Variants in STYK1 observed in about 807,000 individuals in gnomAD.
STYK1 encodes the protein tyrosine-protein kinase STYK1.
In STYK1, 46 loss-of-function variants were observed where a neutral mutation model predicts 48.1. That is an observed-to-expected ratio of 0.96 (90% CI 0.75 to 1.22). STYK1 has a LOEUF of 1.22. STYK1 is among the 50% of genes most tolerant of loss of function. The probability of loss-of-function intolerance (pLI) is 0.00; values close to 1 mark genes in which losing one functional copy is unlikely to be tolerated. For synonymous variants in STYK1, 188 were observed against 189.0 expected (o/e 0.99, Z 0.04); for missense variants, 527 against 521.1 (o/e 1.01, Z -0.11).
intron 1 of STYK1, among the ~76,000 whole-genome samples, chr12:10,661,974 G>A (rs10772346): frequency 0.56 from 85,285 of 151,962 alleles, 24,367 homozygotes; most frequent in East Asian, 0.77. Context: ...GAATATTTCC[G>A]TTACCCCAGA....
intron 8 of STYK1, 88 bp from the exon 9 acceptor site, chr12:10,622,766 G>A (rs1865927994): frequency 2.0e-6 from 3 of 1,499,076 alleles, no homozygotes; most frequent in Non-Finnish European, 2.8e-6. Flanking sequence ...TTTAATAAGA[G>A]CCCCATGAAA....
chr12:10,630,566 G>C (rs1398715005), intron 5 of STYK1, among the ~76,000 whole-genome samples: 1 of 150,194 alleles, frequency 6.7e-6, no homozygotes, highest in Non-Finnish European at 1.5e-5. Context: ...AAGAGCTAGG[G>C]AATCTAGGAT....
At chr12:10,665,343 C>A (rs952308273) in intron 1 of STYK1, among the ~76,000 whole-genome samples, 1 of 152,136 alleles carries the variant, frequency 6.6e-6, no homozygotes, top group Non-Finnish European at 1.5e-5. Flanking sequence ...TCACAAATGC[C>A]GTAGAATGCC....
At chr12:10,648,157 C>T (rs963604898) in intron 1 of STYK1, among the ~76,000 whole-genome samples, 4 of 152,212 alleles carry the variant, frequency 2.6e-5, no homozygotes, top group Admixed American at 6.5e-5. Flanking sequence ...ATAGATTATT[C>T]ATCAAATGGA....
intron 1 of STYK1, among the ~76,000 whole-genome samples, chr12:10,653,363 C>A (rs979860045): frequency 6.6e-6 from 1 of 151,954 alleles, no homozygotes; most frequent in Non-Finnish European, 1.5e-5. Context: ...AATTAACATA[C>A]CTTTTCTAGA....
intron 1 of STYK1, among the ~76,000 whole-genome samples, chr12:10,665,144 C>T (rs1349458555): frequency 6.6e-6 from 1 of 152,176 alleles, no homozygotes; most frequent in Non-Finnish European, 1.5e-5. Context: ...AACGCAAACA[C>T]AGCAGGTTCA....
At position 10,631,200 on chromosome 12, in the gene STYK1, G is replaced by GT. The variant is rs1369810295; in HGVS notation, c.295dup (p.Thr99AsnfsTer7). 1 of 1,614,202 alleles carries GT rather than the reference G, an allele frequency of 6.2e-7. No individual in the cohort carries two copies. On this transcript the variant is annotated frameshift_variant, in exon 5 of 11. Coordinates refer to ENST00000075503, the MANE Select transcript of STYK1 (RefSeq NM_018423.3). LOFTEE classifies it high-confidence loss of function. Reference sequence around the variant, plus strand: ...CTGCAGCTTAGCCAGGGCAGGTGTGGTAGCTCCCAGAAAGTTTTCCACGGA... The same window carrying GT: ...CTGCAGCTTAGCCAGGGCAGGTGTGGTTAGCTCCCAGAAAGTTTTCCACGGA...
chr12:10,644,127 A>G (rs1226186592), intron 1 of STYK1, among the ~76,000 whole-genome samples: 2 of 152,242 alleles, frequency 1.3e-5, no homozygotes, highest in East Asian at 3.8e-4. Flanking sequence ...TAATATTTCC[A>G]AAATGGCAAA....
chr12:10,648,608 A>G (rs911450496), intron 1 of STYK1, among the ~76,000 whole-genome samples: 3 of 151,774 alleles, frequency 2.0e-5, no homozygotes, highest in African/African-American at 7.3e-5. Context: ...TTAAGACAAA[A>G]TATTATTTAT....
At chr12:10,664,515 ACTT>A (rs901129201) in intron 1 of STYK1, among the ~76,000 whole-genome samples, 10 of 152,176 alleles carry the variant, frequency 6.6e-5, no homozygotes, top group African/African-American at 2.4e-4. Flanking sequence ...GGATCAATGA[ACTT>A]CTTTTTGTGA....
intron 4 of STYK1, among the ~76,000 whole-genome samples, chr12:10,633,608 T>G (rs1174280286): frequency 6.6e-6 from 1 of 152,156 alleles, no homozygotes; most frequent in Non-Finnish European, 1.5e-5. Context: ...AGGCAAAGAT[T>G]AGGAATGGAA....
In STYK1 at chr12:10,658,739, T is replaced by C. The variant is rs567602257; in HGVS notation, c.-195+15227A>G. 5.9e-5 allele frequency among the ~76,000 whole-genome samples: 9 copies of C among 152,320 alleles called. No homozygotes were observed. The South Asian group carries it at 1.9e-3, about 32-fold the overall frequency. On this transcript the variant is annotated intron_variant, in intron 1 of 10. Coordinates refer to ENST00000075503, the MANE Select transcript of STYK1 (RefSeq NM_018423.3). Reference sequence around the variant, plus strand: ...TATAAAATATAAAATTGTGTTTGGCTTTCTTTGGGCTGTATTTGAATAAAT... The same window carrying C: ...TATAAAATATAAAATTGTGTTTGGCCTTCTTTGGGCTGTATTTGAATAAAT...
chr12:10,622,454 G>A lies in STYK1; in HGVS notation c.967+184C>T, dbSNP rs138559361. Among the ~76,000 whole-genome samples, 800 of 152,250 alleles carry A rather than the reference G, an allele frequency of 5.3e-3. 3 individuals carry two copies. Among genetic ancestry groups the A allele is most frequent in the African/African-American group, 0.018 (751 of 41,530 alleles). On this transcript the variant is annotated intron_variant, in intron 9 of 10. Coordinates refer to ENST00000075503, the MANE Select transcript of STYK1 (RefSeq NM_018423.3). ...AAAAGGACAGGGAAGAAGGGACTGGGGCAAGGAGAAAATAATCACTTTATA... is the reference window on the plus strand; with the variant it reads ...AAAAGGACAGGGAAGAAGGGACTGGAGCAAGGAGAAAATAATCACTTTATA...
chr12:10,621,900 C>A lies in STYK1; in HGVS notation c.1040G>T (p.Arg347Ile). 6.2e-7 allele frequency: 1 copy of A among 1,613,876 alleles called. No individual in the cohort carries two copies. The highest frequency in any genetic ancestry group is 8.5e-7 in the Non-Finnish European group (1 of 1,179,842). Reference protein sequence around the residue: ...EHLQRRKIMKRPSSCTHTMYS... With the variant: ...EHLQRRKIMKIPSSCTHTMYS... ...CATGGTATGTGTGCAGCTACTGGGTCTCTTCATGATTTTCCTTCTTTGGAG... is the reference window on the plus strand; with the variant it reads ...CATGGTATGTGTGCAGCTACTGGGTATCTTCATGATTTTCCTTCTTTGGAG... Residue 347 changes from arginine (R) to isoleucine (I), a missense_variant, in exon 10 of 11, where the codon AGA becomes ATA. By Grantham distance (97) the Arg-to-Ile change is moderately conservative. Coordinates refer to ENST00000075503, the MANE Select transcript of STYK1 (RefSeq NM_018423.3).
At chr12:10,654,697 A>G (rs1470301537) in intron 1 of STYK1, among the ~76,000 whole-genome samples, 1 of 152,170 alleles carries the variant, frequency 6.6e-6, no homozygotes, top group Non-Finnish European at 1.5e-5. Context: ...TTGAGGCCCA[A>G]TTTAGAAAGG....
chr12:10,634,167 C>T (rs1220240601), intron 3 of STYK1, 43 bp from the exon 4 acceptor site: 8 of 1,405,830 alleles, frequency 5.7e-6, no homozygotes, highest in Non-Finnish European at 7.8e-6. Context: ...ATGAAGAAGC[C>T]TAACCTGGTG....
intron 1 of STYK1, among the ~76,000 whole-genome samples, chr12:10,645,148 T>G (rs1405208297): frequency 6.6e-6 from 1 of 152,092 alleles, no homozygotes; most frequent in Admixed American, 6.5e-5. Flanking sequence ...GGACAACAGC[T>G]GGGCTAAAAT....
intron 1 of STYK1, among the ~76,000 whole-genome samples, chr12:10,669,061 G>A (rs535475695): frequency 4.6e-5 from 7 of 152,286 alleles, no homozygotes; most frequent in African/African-American, 1.7e-4. Flanking sequence ...TTAGGGACCA[G>A]CTATTTTGTT....
At chr12:10,641,135 G>A (rs1038381164) in intron 1 of STYK1, among the ~76,000 whole-genome samples, 2 of 152,082 alleles carry the variant, frequency 1.3e-5, no homozygotes, top group African/African-American at 4.8e-5. Flanking sequence ...CAGCTCCTCA[G>A]TTTCCCCAGC....
Sources: gnomAD v4.1 joint callset for allele counts (sites outside exome capture counted in the v4.1 genomes callset) on GRCh38, gnomAD v4.1.1 for gene constraint, MANE v1.5 for transcripts, NCBI Gene and HGNC (gene_info 2026-07-23, HGNC 2026-07-21) for gene names.